Variants in ATP7B observed in about 807,000 individuals in gnomAD.
ATP7B encodes the protein ATPase copper transporting beta.
ATP7B carries 113 observed loss-of-function variants against 118.9 expected under a neutral mutation model. The observed-to-expected ratio is 0.95, with a 90% CI of 0.82 to 1.11. ATP7B has a LOEUF of 1.11. ATP7B is among the 50% of genes most tolerant of loss of function. The pLI, the probability that ATP7B is intolerant of heterozygous loss-of-function variation, is 0.00. For missense variants in ATP7B, 1,867 were observed against 1,871.4 expected (o/e 1.00, Z 0.04); for synonymous variants, 777 against 727.4 (o/e 1.07, Z -1.10).
intron 4 of ATP7B, among the ~76,000 whole-genome samples, chr13:51,967,514 C>T (rs186781666): frequency 6.6e-6 from 1 of 152,328 alleles, no homozygotes; most frequent in African/African-American, 2.4e-5. Context: ...TGTTGGGCAC[C>T]TCTTGTGGGG....
chr13:51,961,564 T>A (rs1031299048), intron 6 of ATP7B, among the ~76,000 whole-genome samples: 6 of 152,184 alleles, frequency 3.9e-5, no homozygotes, highest in Non-Finnish European at 5.9e-5. Context: ...AATTAAAAAT[T>A]CATTTCCACA....
intron 1 of ATP7B, among the ~76,000 whole-genome samples, chr13:51,999,885 A>C (rs1003126766): frequency 6.6e-6 from 1 of 151,744 alleles, no homozygotes; most frequent in African/African-American, 2.4e-5. Flanking sequence ...TCAGGTCCCC[A>C]GTGCCCACCC....
intron 9 of ATP7B, among the ~76,000 whole-genome samples, chr13:51,956,414 G>A (rs1958351974): frequency 6.6e-6 from 1 of 152,234 alleles, no homozygotes; most frequent in African/African-American, 2.4e-5. Context: ...GGAGGGGCAA[G>A]GCACAACGCC....
Position 51,934,231 on chromosome 13 carries a change from G to C in ATP7B, c.*525C>G, listed in dbSNP as rs1956836116. The C allele has an allele frequency of 4.6e-6, 1 of 216,814 alleles. No homozygotes were observed. Among genetic ancestry groups the C allele is most frequent in the Non-Finnish European group, 9.4e-6 (1 of 106,524 alleles). The allele number at this position is 216,814 out of a possible 1,614,324, so 13.4% of individuals were successfully genotyped here. A position where few individuals can be genotyped will look rare whatever the true frequency, so the allele number is the denominator to read the frequency against. On this transcript the variant is annotated 3_prime_UTR_variant, in exon 21 of 21. Transcript: ENST00000242839. The stretch of plus-strand genomic sequence containing the variant: ...ACTGACAAGCACACAGGAGAGAAAA[G>C]GAACAGACTATGTACGAAGAAAGGA...
chr13:51,941,019 C>T, intron 16 of ATP7B, 62 bp downstream of exon 16: 5 of 1,608,190 alleles, frequency 3.1e-6, no homozygotes, highest in Non-Finnish European at 4.3e-6. Context: ...GACTCTTTTG[C>T]CTGATATCTG....
Position 51,970,641 on chromosome 13 carries a change from C to T in ATP7B, c.1394G>A (p.Arg465Lys), listed in dbSNP as rs765104906. 2 of 1,614,206 alleles carry T rather than the reference C, an allele frequency of 1.2e-6. No homozygotes were observed. The highest frequency in any genetic ancestry group is 1.3e-5 in the African/African-American group (1 of 75,066). Residue 465 changes from arginine (R) to lysine (K), a missense_variant, in exon 3 of 21, where the codon AGG (arginine) becomes AAG (lysine). Coordinates refer to ENST00000242839, the MANE Select transcript of ATP7B (RefSeq NM_000053.4). ...GTCCGGGGCATGGTTTGCAGGGAGC[C>T]TCCCAGTGTGGGGAGCCACTTCCTG... ...SVQEVAPHTGRLPANHAPDIL... is the reference protein window; with the variant it reads ...SVQEVAPHTGKLPANHAPDIL...
intron 4 of ATP7B, chr13:51,967,068 A>G: frequency 6.2e-7 from 1 of 1,604,898 alleles, no homozygotes; most frequent in East Asian, 2.2e-5. Context: ...CAATAACAAG[A>G]AAATTGAAAG....
rs572413970 is a variant in ATP7B at position 52,007,291 on chromosome 13, C to T, written c.51+3996G>A. ...CAAGTAAGTTTTGACAATAAAAAATCGCTGAGAAAGTCAGGCAGGCCTGGC... is the reference window on the plus strand; with the variant it reads ...CAAGTAAGTTTTGACAATAAAAAATTGCTGAGAAAGTCAGGCAGGCCTGGC... On this transcript the variant is annotated intron_variant, in intron 1 of 20. Coordinates refer to ENST00000242839, the MANE Select transcript of ATP7B (RefSeq NM_000053.4). 1.6e-4 allele frequency among the ~76,000 whole-genome samples: 24 copies of T among 152,236 alleles called. 1 individual carries two copies. In the East Asian group the frequency reaches 2.7e-3, roughly 17 times the overall value.
chr13:51,970,453 G>C, intron 3 of ATP7B, 39 bp downstream of exon 3: 1 of 1,613,496 alleles, frequency 6.2e-7, no homozygotes, highest in Non-Finnish European at 8.5e-7. Flanking sequence ...AGGTCTATAC[G>C]CAGCATTCCT....
At chr13:51,977,477 G>C (rs1952181474) in intron 1 of ATP7B, among the ~76,000 whole-genome samples, 1 of 150,534 alleles carries the variant, frequency 6.6e-6, no homozygotes, top group Non-Finnish European at 1.5e-5. Flanking sequence ...TCTCCCACTG[G>C]AAGGTCTTCA....
At chr13:51,943,466 T>C (rs1404171245) in intron 14 of ATP7B, among the ~76,000 whole-genome samples, 1 of 152,192 alleles carries the variant, frequency 6.6e-6, no homozygotes, top group Non-Finnish European at 1.5e-5. Context: ...TTCAAGGCAA[T>C]GATGTCACCT....
In ATP7B at chr13:51,944,289, T is replaced by TG; in HGVS notation, c.3062_3063insC (p.Thr1023AspfsTer5). On this transcript the variant is annotated frameshift_variant and splice_region_variant, in exon 14 of 21. Coordinates refer to ENST00000242839, the MANE Select transcript of ATP7B (RefSeq NM_000053.4). LOFTEE classifies it high-confidence loss of function. ...CAGTCTTGTCAAACATCACAGTCTT[T>TG]ATCTGCCAAAAACAACCACAACTCA... 6.2e-7 allele frequency: 1 copy of TG among 1,613,820 alleles called. No individual in the cohort carries two copies. Among genetic ancestry groups the TG allele is most frequent in the Non-Finnish European group, 8.5e-7 (1 of 1,180,000 alleles).
At chr13:51,982,434 G>A (rs894532316) in intron 1 of ATP7B, among the ~76,000 whole-genome samples, 1 of 152,126 alleles carries the variant, frequency 6.6e-6, no homozygotes. Flanking sequence ...GCACATGTAT[G>A]CTTTTAATTC....
At position 51,950,076 on chromosome 13, in the gene ATP7B, A is replaced by G; in HGVS notation, c.2661T>C (p.Ala887=). 6.2e-7 allele frequency: 1 copy of G among 1,614,220 alleles called. No homozygotes were observed. Among genetic ancestry groups the G allele is most frequent in the African/African-American group, 1.3e-5 (1 of 75,054 alleles). The change falls in exon 11 of 21, where the codon GCT becomes GCC. Residue 887 remains alanine, a synonymous_variant. Coordinates refer to ENST00000242839, the MANE Select transcript of ATP7B (RefSeq NM_000053.4). ...AAGTGGTGTCATTGCCCACGTGGGT[A>G]GCTTTAATGAGCACAGAGCCATGTG... ...INAHGSVLIK[A]THVGNDTTLA...
chr13:51,964,223 CTAAACT>C (rs761021940), intron 5 of ATP7B, among the ~76,000 whole-genome samples: 4 of 152,120 alleles, frequency 2.6e-5, no homozygotes, highest in Non-Finnish European at 4.4e-5. Context: ...GTAGTTCCCA[CTAAACT>C]TAATTTATCC....
chr13:51,978,606 TA>T (rs1952242347), intron 1 of ATP7B, among the ~76,000 whole-genome samples: 1 of 152,130 alleles, frequency 6.6e-6, no homozygotes, highest in Admixed American at 6.5e-5. Context: ...TGTCCATCAA[TA>T]AGAGGCTAGT....
chr13:51,939,562 A>T (rs1957196421), intron 16 of ATP7B, among the ~76,000 whole-genome samples: 1 of 152,232 alleles, frequency 6.6e-6, no homozygotes, highest in African/African-American at 2.4e-5. Context: ...AAGAGACATA[A>T]CAGATATCAC....
Position 51,937,363 on chromosome 13 carries a change from G to T in ATP7B, c.3934C>A (p.His1312Asn). Reference protein sequence around the residue: ...NDLLDVVASIHLSKRTVRRIR... With the variant: ...NDLLDVVASINLSKRTVRRIR... ...CTTCGGACAGTCCTCTTGGAAAGGT[G>T]AATGCTAGCCACCACATCCAGCAAA... is the stretch of plus-strand genomic sequence containing the variant. Residue 1312 changes from histidine to asparagine, a missense_variant, in exon 19 of 21, where the codon CAC becomes AAC. Coordinates refer to ENST00000242839, the MANE Select transcript of ATP7B (RefSeq NM_000053.4). 1.2e-6 allele frequency: 2 copies of T among 1,614,214 alleles called. No individual in the cohort carries two copies. The highest frequency in any genetic ancestry group is 2.2e-5 in the South Asian group (2 of 91,090).
At position 51,957,543 on chromosome 13, in the gene ATP7B, G is replaced by A; in HGVS notation, c.2420C>T (p.Thr807Ile). 1 of 1,614,162 alleles carries A rather than the reference G, an allele frequency of 6.2e-7. No individual in the cohort carries two copies. Among genetic ancestry groups the A allele is most frequent in the Non-Finnish European group, 8.5e-7 (1 of 1,179,988 alleles). ...SLQATEATVV[T>I]LGEDNLIIRE... ...GATGATTAAATTGTCCTCACCAAGG[G>A]TCACAACGGTGGCTTCTGTGGCTTG... The change falls in exon 9 of 21, where the codon ACC becomes ATC. Residue 807 changes from threonine to isoleucine, a missense_variant. Coordinates refer to ENST00000242839, the MANE Select transcript of ATP7B (RefSeq NM_000053.4).
Sources: gnomAD v4.1 joint callset for allele counts (sites outside exome capture counted in the v4.1 genomes callset) on GRCh38, gnomAD v4.1.1 for gene constraint, MANE v1.5 for transcripts, NCBI Gene and HGNC (gene_info 2026-07-23, HGNC 2026-07-21) for gene names.